The following NAALADL2 variants were observed in gnomAD, a reference collection of about 807,000 sequenced individuals.
The protein encoded by NAALADL2 is inactive N-acetylated-alpha-linked acidic dipeptidase-like protein 2.
A neutral mutation model predicts 87.2 loss-of-function variants in NAALADL2; 76 were observed. That is an observed-to-expected ratio of 0.87 (90% CI 0.72 to 1.05). The LOEUF (loss-of-function observed/expected upper bound fraction) is 1.05. NAALADL2 is among the 50% of genes least tolerant of loss of function. The pLI is 0.00. For missense variants in NAALADL2, 1,089 were observed against 945.8 expected (o/e 1.15, Z -1.99); for synonymous variants, 354 against 331.0 (o/e 1.07, Z -0.75).
intron 9 of NAALADL2, among the ~76,000 whole-genome samples, chr3:175,472,372 T>C (rs1725035816): frequency 6.6e-6 from 1 of 152,202 alleles, no homozygotes; most frequent in South Asian, 2.1e-4. Context: ...CAGAACATTT[T>C]TTCCTGTTTA....
chr3:174,707,268 C>T (rs1208020959), intron 2 of NAALADL2, among the ~76,000 whole-genome samples: 6 of 30,692 alleles, frequency 2.0e-4, no homozygotes, highest in Admixed American at 4.5e-4. Context: ...CTAGAAATAC[C>T]ATTTGACCCA....
chr3:174,666,098 G>T, intron 2 of NAALADL2, among the ~76,000 whole-genome samples: 1 of 151,544 alleles, frequency 6.6e-6, no homozygotes, highest in East Asian at 1.9e-4. Flanking sequence ...CATTTTTTGG[G>T]GTATAGTTTA....
chr3:174,691,055 A>G (rs576141854), intron 2 of NAALADL2, among the ~76,000 whole-genome samples: 2 of 152,264 alleles, frequency 1.3e-5, no homozygotes, highest in East Asian at 3.9e-4. Flanking sequence ...CTATATACCC[A>G]TCTACTGACT....
chr3:175,562,953 GGTGT>G (rs71164639), intron 9 of NAALADL2, among the ~76,000 whole-genome samples: 6 of 149,824 alleles, frequency 4.0e-5, no homozygotes, highest in African/African-American at 4.9e-5. Flanking sequence ...ATATAGGAGG[GGTGT>G]GTGTGTGTGT....
At chr3:174,766,245 C>A (rs1713787579) in intron 3 of NAALADL2, among the ~76,000 whole-genome samples, 1 of 152,156 alleles carries the variant, frequency 6.6e-6, no homozygotes, top group South Asian at 2.1e-4. Context: ...AGAAATCAGT[C>A]ACTGTACTTC....
intron 2 of NAALADL2, among the ~76,000 whole-genome samples, chr3:174,689,673 G>A (rs928072317): frequency 1.3e-5 from 2 of 152,006 alleles, no homozygotes; most frequent in African/African-American, 2.4e-5. Context: ...AATGGTGAGA[G>A]GAGAGTTGCT....
intron 2 of NAALADL2, among the ~76,000 whole-genome samples, chr3:175,152,618 T>C (rs1486768654): frequency 6.6e-6 from 1 of 152,130 alleles, no homozygotes. Flanking sequence ...AGAATTCTAA[T>C]GTATTGTCTA....
chr3:174,701,898 C>T (rs1023905379), intron 2 of NAALADL2, among the ~76,000 whole-genome samples: 1 of 152,152 alleles, frequency 6.6e-6, no homozygotes, highest in African/African-American at 2.4e-5. Context: ...ATGCTTTTAA[C>T]ATTTGCGTAC....
At chr3:175,037,269 C>G (rs1753533262) in intron 1 of NAALADL2, among the ~76,000 whole-genome samples, 1 of 152,078 alleles carries the variant, frequency 6.6e-6, no homozygotes, top group Admixed American at 6.5e-5. Flanking sequence ...TATTAGAACA[C>G]CCTTTGCTGA....
chr3:175,486,824 CTCTT>C (rs1268594066), intron 9 of NAALADL2, among the ~76,000 whole-genome samples: 1 of 152,136 alleles, frequency 6.6e-6, no homozygotes, highest in Non-Finnish European at 1.5e-5. Flanking sequence ...TTTCACTCCT[CTCTT>C]TATCTCATAC....
chr3:174,828,972 A>G (rs1722304300), intron 3 of NAALADL2, among the ~76,000 whole-genome samples: 2 of 152,210 alleles, frequency 1.3e-5, no homozygotes, highest in Non-Finnish European at 2.9e-5. Flanking sequence ...GTAACAATAA[A>G]AGAAAAATGT....
At chr3:174,759,720 G>C (rs1039167822) in intron 3 of NAALADL2, among the ~76,000 whole-genome samples, 1 of 146,756 alleles carries the variant, frequency 6.8e-6, no homozygotes, top group Admixed American at 6.7e-5. Context: ...TTTTTTTTGA[G>C]ATGGAGTCTT....
chr3:175,362,993 C>T (rs891841023), intron 5 of NAALADL2, among the ~76,000 whole-genome samples: 2 of 147,708 alleles, frequency 1.4e-5, no homozygotes, highest in East Asian at 2.0e-4. Flanking sequence ...CCTGTATTGA[C>T]ATCTCAGTTT....
chr3:175,306,457 A>G (rs1483813574), intron 4 of NAALADL2, among the ~76,000 whole-genome samples: 1 of 152,192 alleles, frequency 6.6e-6, no homozygotes, highest in Admixed American at 6.6e-5. Context: ...CTTCTGAAAA[A>G]GAATCCATAC....
intron 1 of NAALADL2, among the ~76,000 whole-genome samples, chr3:175,020,404 T>A (rs538246802): frequency 6.6e-6 from 1 of 152,224 alleles, no homozygotes; most frequent in African/African-American, 2.4e-5. Context: ...AATCTCCACC[T>A]AACTGCAGTG....
chr3:175,762,099 A>G (rs1483038009), intron 13 of NAALADL2, among the ~76,000 whole-genome samples: 2 of 151,170 alleles, frequency 1.3e-5, no homozygotes, highest in East Asian at 3.9e-4. Flanking sequence ...CTGTTATATT[A>G]TCTTCTAGAA....
chr3:175,382,082 C>T (rs945298961), intron 5 of NAALADL2, among the ~76,000 whole-genome samples: 7 of 152,168 alleles, frequency 4.6e-5, no homozygotes, highest in South Asian at 2.1e-4. Context: ...ATTGGTACCA[C>T]GGGAGGGGAG....
intron 10 of NAALADL2, among the ~76,000 whole-genome samples, chr3:175,578,157 G>C (rs1056532523): frequency 2.0e-5 from 3 of 152,026 alleles, no homozygotes; most frequent in African/African-American, 4.8e-5. Flanking sequence ...TAGGTGCAAC[G>C]GTTCATGCCT....
intron 1 of NAALADL2, among the ~76,000 whole-genome samples, chr3:175,031,766 C>G (rs1752824368): frequency 6.6e-6 from 1 of 152,022 alleles, no homozygotes; most frequent in Non-Finnish European, 1.5e-5. Flanking sequence ...TTCTCTCCAG[C>G]CTCACTGACA....
Sources: allele counts gnomAD v4.1 joint callset (sites outside exome capture counted in the v4.1 genomes callset), GRCh38; gene constraint gnomAD v4.1.1; transcripts MANE v1.5; gene names NCBI Gene and HGNC (gene_info 2026-07-23, HGNC 2026-07-21).